Variants in ESRRG observed in about 807,000 individuals in gnomAD.
ESRRG encodes the protein estrogen related receptor gamma.
In ESRRG, 13 loss-of-function variants were observed where a neutral mutation model predicts 44.0. The ratio of observed to expected loss-of-function variants is 0.30; its 90% CI spans 0.19 to 0.47. ESRRG has a LOEUF of 0.47. ESRRG is among the 20% of genes least tolerant of loss of function. ESRRG has a pLI of 1.00. For missense variants in ESRRG, 395 were observed against 580.6 expected (o/e 0.68, Z 3.29); for synonymous variants, 215 against 214.6 (o/e 1.00, Z -0.02).
chr1:216,780,641 C>T (rs1326607971), intron 2 of ESRRG, among the ~76,000 whole-genome samples: 1 of 151,916 alleles, frequency 6.6e-6, no homozygotes, highest in Non-Finnish European at 1.5e-5. Context: ...CCTTTGGTTC[C>T]AGATGATTCT....
intron 2 of ESRRG, among the ~76,000 whole-genome samples, chr1:216,766,013 G>A (rs2093055646): frequency 6.6e-6 from 1 of 152,084 alleles, no homozygotes. Flanking sequence ...TCAAGGCAGT[G>A]GAGGTAAAAA....
Position 216,723,315 on chromosome 1 carries a change from A to G in ESRRG, c.-16T>C. 1.2e-6 allele frequency: 2 copies of G among 1,613,764 alleles called. No individual in the cohort carries two copies. Among genetic ancestry groups the G allele is most frequent in the South Asian group, 1.1e-5 (1 of 91,086 alleles). ...CCGAATCCATGTGCGACCGGCAACC[A>G]TTATTTGTGCACCCCAGCTATAAAT... On this transcript the variant is annotated 5_prime_UTR_variant, in exon 1 of 7. It removes an upstream start codon present in the reference 5' UTR. Coordinates refer to ENST00000408911, the MANE Select transcript of ESRRG (RefSeq NM_001438.4).
At chr1:216,703,626 T>G in intron 1 of ESRRG, among the ~76,000 whole-genome samples, 1 of 151,672 alleles carries the variant, frequency 6.6e-6, no homozygotes, top group East Asian at 1.9e-4. Context: ...AGACAATGGC[T>G]TTTTTTAATG....
intron 1 of ESRRG, among the ~76,000 whole-genome samples, chr1:217,045,575 T>C (rs901889434): frequency 6.6e-6 from 1 of 152,200 alleles, no homozygotes; most frequent in Non-Finnish European, 1.5e-5. Context: ...GGCTGGTCTT[T>C]GTGAGGAGGC....
chr1:216,750,385 T>C (rs995810834), intron 2 of ESRRG, among the ~76,000 whole-genome samples: 1 of 152,168 alleles, frequency 6.6e-6, no homozygotes, highest in Non-Finnish European at 1.5e-5. Context: ...TTAGTTGATA[T>C]TCTATGTCCA....
chr1:216,822,613 G>A (rs563353438), intron 2 of ESRRG, among the ~76,000 whole-genome samples: 6 of 152,250 alleles, frequency 3.9e-5, no homozygotes, highest in Admixed American at 6.5e-5. Context: ...GCAGGTGTGT[G>A]GAAGGCTTAT....
Position 216,808,028 on chromosome 1 carries a change from T to G in ESRRG, c.-13-130537A>C, listed in dbSNP as rs2094852492. ...CTCCTGTTTTGGAATCAAAAGGTCT[T>G]AGAACCCTATAGTTGAGTGAAATCT... On this transcript the variant is annotated intron_variant, in intron 2 of 7. Coordinates refer to the ESRRG transcript ENST00000359162. Among the ~76,000 whole-genome samples the G allele has an allele frequency of 2.6e-5, 4 of 152,162 alleles. No individual in the cohort carries two copies. The South Asian group carries it at 8.3e-4, about 32-fold the overall frequency.
At chr1:217,010,343 A>G (rs2078388677) in intron 1 of ESRRG, among the ~76,000 whole-genome samples, 1 of 152,192 alleles carries the variant, frequency 6.6e-6, no homozygotes, top group African/African-American at 2.4e-5. Flanking sequence ...TTAGCAAAGG[A>G]TGAAAACACT....
At chr1:216,736,316 T>C (rs2089904713) in intron 2 of ESRRG, among the ~76,000 whole-genome samples, 1 of 150,962 alleles carries the variant, frequency 6.6e-6, no homozygotes, top group South Asian at 2.1e-4. Context: ...TCCGAGTAGC[T>C]GGGACTACAG....
chr1:217,101,799 T>A (rs943158027), intron 1 of ESRRG, among the ~76,000 whole-genome samples: 37 of 152,170 alleles, frequency 2.4e-4, no homozygotes, highest in Admixed American at 8.5e-4. Flanking sequence ...TTTATTTTTT[T>A]TTTTATTTTA....
chr1:216,982,928 T>G (rs1339144324), intron 1 of ESRRG, among the ~76,000 whole-genome samples: 3 of 152,018 alleles, frequency 2.0e-5, no homozygotes, highest in Non-Finnish European at 4.4e-5. Context: ...ACATGAGTCA[T>G]CAGATAATTA....
chr1:216,679,428 A>T (rs1261135499), intron 1 of ESRRG, among the ~76,000 whole-genome samples: 1 of 152,102 alleles, frequency 6.6e-6, no homozygotes, highest in Admixed American at 6.6e-5. Flanking sequence ...GAGCACTTAC[A>T]CCACCACTTC....
intron 1 of ESRRG, among the ~76,000 whole-genome samples, chr1:217,102,359 T>C (rs1055720084): frequency 6.6e-6 from 1 of 152,212 alleles, no homozygotes; most frequent in African/African-American, 2.4e-5. Flanking sequence ...TTGCTGCTAT[T>C]ATTTTTAAAA....
At chr1:217,051,206 G>GC (rs1553259225) in intron 1 of ESRRG, among the ~76,000 whole-genome samples, 7 of 110,340 alleles carry the variant, frequency 6.3e-5, no homozygotes, top group African/African-American at 8.7e-5. Flanking sequence ...AATGGGGGCG[G>GC]GGGGGGGGGG....
intron 2 of ESRRG, among the ~76,000 whole-genome samples, chr1:216,837,703 G>A (rs1490492877): frequency 6.6e-6 from 1 of 152,170 alleles, no homozygotes; most frequent in African/African-American, 2.4e-5. Flanking sequence ...CCTGAGCCAC[G>A]AACCTTGACC....
At chr1:216,836,721 G>A (rs534196312) in intron 2 of ESRRG, among the ~76,000 whole-genome samples, 29 of 152,190 alleles carry the variant, frequency 1.9e-4, no homozygotes, top group Non-Finnish European at 1.3e-4. Context: ...GAGTCGTGGC[G>A]GCAGAGTGAG....
At chr1:216,821,940 G>A (rs1045047231) in intron 2 of ESRRG, among the ~76,000 whole-genome samples, 10 of 151,746 alleles carry the variant, frequency 6.6e-5, no homozygotes, top group African/African-American at 2.4e-4. Flanking sequence ...CAAAGCTTGG[G>A]ATGCTGACCT....
At chr1:216,848,681 C>A (rs2148955249) in intron 2 of ESRRG, among the ~76,000 whole-genome samples, 1 of 152,148 alleles carries the variant, frequency 6.6e-6, no homozygotes, top group East Asian at 1.9e-4. Context: ...ATGTTGCCTA[C>A]CAATTTGCAG....
intron 1 of ESRRG, among the ~76,000 whole-genome samples, chr1:216,709,121 G>A (rs12131331): frequency 0.2 from 30,054 of 151,870 alleles, 3,890 homozygotes; most frequent in Non-Finnish European, 0.28. Flanking sequence ...TGTAGATGAC[G>A]GGTTGATAGG....
Sources: allele counts gnomAD v4.1 joint callset (sites outside exome capture counted in the v4.1 genomes callset), GRCh38; gene constraint gnomAD v4.1.1; transcripts MANE v1.5; gene names NCBI Gene and HGNC (gene_info 2026-07-23, HGNC 2026-07-21).